Variants in KLHL4 observed in about 807,000 individuals in gnomAD.
KLHL4 encodes kelch like family member 4, also known as kelch-like protein 4.
In KLHL4, 17 loss-of-function variants were observed where a neutral mutation model predicts 45.8. The ratio of observed to expected loss-of-function variants is 0.37; its 90% CI spans 0.25 to 0.56. The LOEUF (loss-of-function observed/expected upper bound fraction) is 0.56. Ranked by LOEUF, KLHL4 falls within the 20% of genes least tolerant of loss-of-function variation. The pLI is 0.79. For synonymous variants in KLHL4, 224 were observed against 189.9 expected, an observed-to-expected ratio of 1.18 and a Z score of -1.47; for missense variants, 544 against 544.9, an observed-to-expected ratio of 1.00 and a Z score of 0.02.
chrX:87,656,594 T>C (rs924607085), intron 9 of KLHL4, among the ~76,000 whole-genome samples: 2 of 109,366 alleles, frequency 1.8e-5, no homozygotes, highest in Non-Finnish European at 3.8e-5. Context: ...ATATCCTGGA[T>C]TGGTTTTCTG....
chrX:87,613,491 A>G lies in KLHL4; in HGVS notation c.423-386A>G, dbSNP rs755245509. On this transcript the variant is annotated intron_variant, in intron 1 of 10. Transcript: ENST00000373119. ...GAGAAGCTTCAGGACATAATCAAAA[A>G]TTTTAAAAGTATTTTGACTCAGGTC... Among the ~76,000 whole-genome samples, 3 of 111,763 alleles carry G rather than the reference A, an allele frequency of 2.7e-5. No individual in the cohort carries two copies. The South Asian group carries it at 1.1e-3, about 42-fold the overall frequency.
chrX:87,587,150 CAAA>C (rs1197848253), intron 1 of KLHL4, among the ~76,000 whole-genome samples: 87 of 47,810 alleles, frequency 1.8e-3, no homozygotes, highest in Non-Finnish European at 3.0e-3. Context: ...TAAAATAAAG[CAAA>C]AAAAAAAAAA....
At chrX:87,635,382 A>C (rs1048725049) in intron 8 of KLHL4, among the ~76,000 whole-genome samples, 181 bp from the exon 9 acceptor site, 2 of 112,023 alleles carry the variant, frequency 1.8e-5, no homozygotes, top group Admixed American at 9.4e-5. Flanking sequence ...TCAGGTTACG[A>C]TCTATTCACA....
chrX:87,543,857 C>A (rs1244470031), intron 1 of KLHL4, among the ~76,000 whole-genome samples: 1 of 111,466 alleles, frequency 9.0e-6, no homozygotes, highest in African/African-American at 3.3e-5. Context: ...ATATGCCCTA[C>A]TGAGACATCA....
chrX:87,550,878 G>T (rs961446856), intron 1 of KLHL4, among the ~76,000 whole-genome samples: 1 of 111,046 alleles, frequency 9.0e-6, no homozygotes, highest in African/African-American at 3.3e-5. Context: ...ACCTGTCTAT[G>T]ATAAACCCAC....
intron 9 of KLHL4, among the ~76,000 whole-genome samples, chrX:87,657,906 C>T (rs1189755375): frequency 8.9e-6 from 1 of 111,761 alleles, no homozygotes; most frequent in Non-Finnish European, 1.9e-5. Context: ...AAGTAGTTCT[C>T]AGGCCATTGG....
chrX:87,562,459 C>CAGTAGA, intron 1 of KLHL4, among the ~76,000 whole-genome samples: 1 of 105,682 alleles, frequency 9.5e-6, no homozygotes, highest in East Asian at 3.1e-4. Context: ...TGAATAAACA[C>CAGTAGA]CAGTGGCTGC....
chrX:87,565,482 C>A (rs780557165), intron 1 of KLHL4, among the ~76,000 whole-genome samples: 1 of 110,434 alleles, frequency 9.1e-6, no homozygotes, highest in African/African-American at 3.3e-5. Context: ...AATCCCAGCA[C>A]TTTGGGAGGC....
chrX:87,568,394 T>TTC (rs1206993262), intron 1 of KLHL4, among the ~76,000 whole-genome samples: 5 of 98,203 alleles, frequency 5.1e-5, no homozygotes, highest in African/African-American at 1.5e-4. Context: ...TTTTTTTCTT[T>TTC]TTTTTTTTTT....
In KLHL4 at chrX:87,625,669, C is replaced by A. The variant is rs886593327; in HGVS notation, c.1197C>A (p.Leu399=). The change falls in exon 6 of 11, where the codon CTC becomes CTA. Residue 399 remains leucine (L), a synonymous_variant. Coordinates refer to ENST00000373119, the MANE Select transcript of KLHL4 (RefSeq NM_019117.5). ...MFTGDLECQK[L]LMEAMKYHLL... The stretch of plus-strand genomic sequence containing the variant: ...CTGGTGATCTTGAGTGTCAGAAGCT[C>A]CTGATGGAAGCTATGAAGTATCATC... 12 of 1,206,258 alleles carry A rather than the reference C, an allele frequency of 9.9e-6. No individual in the cohort carries two copies. The Admixed American group carries it at 1.5e-4, about 15-fold the overall frequency.
intron 7 of KLHL4, 71 bp downstream of exon 7, chrX:87,632,505 G>A: frequency 1.4e-6 from 1 of 700,470 alleles, no homozygotes; most frequent in Non-Finnish European, 2.1e-6. Flanking sequence ...AAATCTAGCA[G>A]CACATTATTG....
intron 9 of KLHL4, among the ~76,000 whole-genome samples, chrX:87,654,293 C>A (rs1307362665): frequency 9.0e-6 from 1 of 111,065 alleles, no homozygotes; most frequent in Non-Finnish European, 1.9e-5. Context: ...TTCTCACCAC[C>A]CTCCACCTGC....
In KLHL4 at chrX:87,632,298, C is replaced by A; in HGVS notation, c.1413C>A (p.Val471=). ...TMNGRRLQFG[V]AVIDNKLYVV... ...ATGGCCGTAGGCTTCAATTTGGAGTCGCAGTTATTGATAATAAGCTCTATG... is the reference window on the plus strand; with the variant it reads ...ATGGCCGTAGGCTTCAATTTGGAGTAGCAGTTATTGATAATAAGCTCTATG... Residue 471 remains valine (V), a synonymous_variant, in exon 7 of 11, where the codon GTC becomes GTA. Coordinates refer to ENST00000373119, the MANE Select transcript of KLHL4 (RefSeq NM_019117.5). The A allele has an allele frequency of 8.3e-7, 1 of 1,207,624 alleles. No individual in the cohort carries two copies. Among genetic ancestry groups the A allele is most frequent in the Non-Finnish European group, 1.1e-6 (1 of 892,219 alleles).
At chrX:87,631,177 A>C (rs748670247) in intron 6 of KLHL4, among the ~76,000 whole-genome samples, 1 of 111,306 alleles carries the variant, frequency 9.0e-6, no homozygotes, top group African/African-American at 3.3e-5. Flanking sequence ...ACTCGCCATG[A>C]TACCCATTTC....
At chrX:87,609,577 C>T (rs770184079) in intron 1 of KLHL4, among the ~76,000 whole-genome samples, 1 of 112,020 alleles carries the variant, frequency 8.9e-6, no homozygotes, top group East Asian at 2.8e-4. Context: ...AGTATCTGTT[C>T]ATATCCTTTG....
intron 1 of KLHL4, among the ~76,000 whole-genome samples, chrX:87,579,944 C>T (rs927767375): frequency 1.3e-4 from 15 of 111,378 alleles, no homozygotes; most frequent in African/African-American, 3.3e-4. Context: ...AATAATGCAA[C>T]GATAATGGGT....
chrX:87,600,858 C>G (rs1360793579), intron 1 of KLHL4, among the ~76,000 whole-genome samples: 1 of 111,679 alleles, frequency 9.0e-6, no homozygotes, highest in Non-Finnish European at 1.9e-5. Context: ...TAGTGAAGAA[C>G]ACAGTTTTTA....
Position 87,669,591 on chromosome X carries a change from C to A in KLHL4, c.*3057C>A. On this transcript the variant is annotated 3_prime_UTR_variant, in exon 11 of 11. Transcript: ENST00000373119. ...AAGACTCCTACCTTGAGATCTTAGTCTAGGTAAAGAAAAAAAAAAAAAGGT... is the reference window on the plus strand; with the variant it reads ...AAGACTCCTACCTTGAGATCTTAGTATAGGTAAAGAAAAAAAAAAAAAGGT... 5.9e-6 allele frequency: 2 copies of A among 339,387 alleles called. No individual in the cohort carries two copies. The highest frequency in any genetic ancestry group is 1.0e-4 in the South Asian group (1 of 9,663). 28.0% of individuals were successfully genotyped at this position (339,387 alleles called of 1,213,427 possible).
At chrX:87,618,389 A>G (rs1922637205) in intron 4 of KLHL4, among the ~76,000 whole-genome samples, 1 of 111,932 alleles carries the variant, frequency 8.9e-6, no homozygotes, top group South Asian at 3.6e-4. Context: ...AATAGAATCT[A>G]TAGTATTAAG....
Sources: gnomAD v4.1 joint callset for allele counts (sites outside exome capture counted in the v4.1 genomes callset) on GRCh38, gnomAD v4.1.1 for gene constraint, MANE v1.5 for transcripts, NCBI Gene and HGNC (gene_info 2026-07-23, HGNC 2026-07-21) for gene names.